PCBP3: variants seen among roughly 807,000 people sequenced by gnomAD.
PCBP3 encodes the protein poly(rC)-binding protein 3.
In PCBP3, 25 loss-of-function variants were observed where a neutral mutation model predicts 52.7. The ratio of observed to expected loss-of-function variants is 0.47; its 90% CI spans 0.35 to 0.66. PCBP3 has a LOEUF of 0.66. Among genes scored for constraint, PCBP3 ranks in the 30% least tolerant of loss-of-function variants. The probability of loss-of-function intolerance (pLI) is 0.01; values close to 1 mark genes in which losing one functional copy is unlikely to be tolerated. For missense variants in PCBP3, 391 were observed against 490.3 expected (o/e 0.80, Z 1.91); for synonymous variants, 162 against 183.0 (o/e 0.89, Z 0.93).
At chr21:45,927,108 T>A (rs530151358) in intron 13 of PCBP3, among the ~76,000 whole-genome samples, 2 of 152,234 alleles carry the variant, frequency 1.3e-5, no homozygotes, top group Admixed American at 1.3e-4. Flanking sequence ...TGAGTGATAG[T>A]TGTATGGGTG....
At chr21:45,804,675 A>T (rs2092431854) in intron 4 of PCBP3, among the ~76,000 whole-genome samples, 1 of 152,106 alleles carries the variant, frequency 6.6e-6, no homozygotes, top group African/African-American at 2.4e-5. Context: ...CGCACCAGGC[A>T]TTCGGCTCCT....
At chr21:45,645,759 G>A (rs2079208380) in intron 1 of PCBP3, among the ~76,000 whole-genome samples, 1 of 152,120 alleles carries the variant, frequency 6.6e-6, no homozygotes, top group Non-Finnish European at 1.5e-5. Context: ...TGTGTCAATG[G>A]CAGAATCATT....
chr21:45,877,074 C>T (rs1311073813), intron 5 of PCBP3, among the ~76,000 whole-genome samples: 1 of 152,268 alleles, frequency 6.6e-6, no homozygotes, highest in African/African-American at 2.4e-5. Flanking sequence ...ATCCATCCCC[C>T]AGCAAACAAG....
chr21:45,709,668 G>GTT (rs1381399221), intron 2 of PCBP3, among the ~76,000 whole-genome samples: 1 of 152,090 alleles, frequency 6.6e-6, no homozygotes, highest in Admixed American at 6.6e-5. Context: ...CCCACATCCA[G>GTT]TTTAACATCT....
At chr21:45,770,910 G>A (rs1055726584) in intron 4 of PCBP3, among the ~76,000 whole-genome samples, 2 of 152,246 alleles carry the variant, frequency 1.3e-5, no homozygotes, top group South Asian at 2.1e-4. Context: ...TCTAGAACCC[G>A]CTGCCCATGC....
intron 4 of PCBP3, among the ~76,000 whole-genome samples, chr21:45,769,026 A>G (rs1343780086): frequency 2.0e-5 from 3 of 152,136 alleles, no homozygotes; most frequent in Non-Finnish European, 4.4e-5. Flanking sequence ...CTGTTTGGGG[A>G]TTGTTACCAG....
chr21:45,781,955 T>A (rs71324445), intron 4 of PCBP3, among the ~76,000 whole-genome samples: 6,987 of 152,352 alleles, frequency 0.046, 217 homozygotes, highest in Non-Finnish European at 0.068. Context: ...CGATTTTTGG[T>A]CTGGCTATTC....
At chr21:45,924,141 G>A (rs572535221) in intron 13 of PCBP3, among the ~76,000 whole-genome samples, 2 of 106,136 alleles carry the variant, frequency 1.9e-5, no homozygotes, top group East Asian at 4.7e-4. Flanking sequence ...ACGTAAGGTC[G>A]GGTGTGCACG....
rs2093608696 is a variant in PCBP3, at chr21:45,837,171, G to A, written c.-125-12790G>A. Among the ~76,000 whole-genome samples, 1 of 152,230 alleles carries A rather than the reference G, an allele frequency of 6.6e-6. No homozygotes were observed. Among genetic ancestry groups the A allele is most frequent in the Non-Finnish European group, 1.5e-5 (1 of 68,040 alleles). On this transcript the variant is annotated intron_variant, in intron 4 of 17. Coordinates refer to ENST00000681687, the MANE Select transcript of PCBP3 (RefSeq NM_001384156.1). This position sits in a 1 kb window ranked among gnomAD's most constrained non-coding sequence, Gnocchi z 4.1. Reference sequence around the variant, plus strand: ...CCCCCAGCAGCGTGTTAGCGCCACGGATGATCTACAGTCCACCAACATTCT... The same window carrying A: ...CCCCCAGCAGCGTGTTAGCGCCACGAATGATCTACAGTCCACCAACATTCT...
chr21:45,862,390 A>T (rs746665307), intron 5 of PCBP3, among the ~76,000 whole-genome samples: 1 of 152,158 alleles, frequency 6.6e-6, no homozygotes, highest in Non-Finnish European at 1.5e-5. Flanking sequence ...AAAATATTTC[A>T]TGTATAATAG....
At chr21:45,896,183 C>T (rs1325576878) in intron 5 of PCBP3, 25 bp from the exon 6 acceptor site, 2 of 1,549,406 alleles carry the variant, frequency 1.3e-6, no homozygotes, top group African/African-American at 2.7e-5. Context: ...TCTTCTCTAG[C>T]AGCAGCTGTG....
rs2096455552 is a variant in PCBP3 at position 45,913,964 on chromosome 21, G to A, written c.614G>A (p.Gly205Asp). ...CVVMLESPPK[G>D]ATIPYRPKPA... ...CCCTTTTCCTAGTCCCCACCGAAAG[G>A]TGCCACCATTCCCTACCGCCCAAAG... The change falls in exon 12 of 18, where the codon GGT (glycine) becomes GAT (aspartate). Residue 205 changes from glycine to aspartate, a missense_variant. Coordinates refer to ENST00000681687, the MANE Select transcript of PCBP3 (RefSeq NM_001384156.1). 2.5e-6 allele frequency: 4 copies of A among 1,612,572 alleles called. No individual in the cohort carries two copies. The highest frequency in any genetic ancestry group is 2.2e-5 in the South Asian group (2 of 90,944).
chr21:45,649,947 T>A (rs1011067939), intron 1 of PCBP3, among the ~76,000 whole-genome samples: 2 of 152,116 alleles, frequency 1.3e-5, no homozygotes, highest in Non-Finnish European at 2.9e-5. Flanking sequence ...AAGCTTTTTT[T>A]AAAAATCGTG....
chr21:45,858,118 T>C (rs1024583479), intron 5 of PCBP3, among the ~76,000 whole-genome samples: 2 of 152,164 alleles, frequency 1.3e-5, no homozygotes, highest in Non-Finnish European at 2.9e-5. Context: ...TCAACCAAAA[T>C]GGGATTGTGG....
intron 2 of PCBP3, among the ~76,000 whole-genome samples, chr21:45,734,515 C>T (rs952363993): frequency 1.3e-5 from 2 of 152,152 alleles, no homozygotes; most frequent in African/African-American, 4.8e-5. Context: ...GCAGGCCCAG[C>T]CCACCGACTT....
intron 1 of PCBP3, among the ~76,000 whole-genome samples, chr21:45,646,107 C>CTCTCTCTCTCTCTGTGTGTG (rs1555895746): frequency 3.6e-4 from 30 of 83,812 alleles, no homozygotes; most frequent in Non-Finnish European, 4.8e-4. Flanking sequence ...CTCTCTCTCT[C>CTCTCTCTCTCTCTGTGTGTG]TGTGTGTGTG....
rs1391974855 is a variant in PCBP3 at position 45,904,733 on chromosome 21, G to GTGAAC, written c.339+3621_339+3625dup. ...ACAGCGAAAGTATTTCCAGTCCCAAGTGAACACTGGTTAAAATCTACCTGA... is the reference window on the plus strand; with the variant it reads ...ACAGCGAAAGTATTTCCAGTCCCAAGTGAACTGAACACTGGTTAAAATCTACCTGA... On this transcript the variant is annotated intron_variant, in intron 9 of 17. Transcript: ENST00000681687. The surrounding 1 kb of genome is among the most constrained non-coding windows in gnomAD (Gnocchi z 4.8). Among the ~76,000 whole-genome samples, 1 of 152,192 alleles carries GTGAAC rather than the reference G, an allele frequency of 6.6e-6. No individual in the cohort carries two copies. The highest frequency in any genetic ancestry group is 1.5e-5 in the Non-Finnish European group (1 of 68,042).
intron 13 of PCBP3, among the ~76,000 whole-genome samples, chr21:45,923,779 G>T (rs1024290702): frequency 6.6e-6 from 1 of 152,200 alleles, no homozygotes; most frequent in African/African-American, 2.4e-5. Context: ...ACCTGGAACA[G>T]TTGAGTGGAT....
intron 15 of PCBP3, among the ~76,000 whole-genome samples, chr21:45,932,266 C>T (rs112745722): frequency 2.0e-5 from 3 of 150,290 alleles, no homozygotes; most frequent in East Asian, 4.0e-4. Flanking sequence ...TGGATGGACA[C>T]CTGGTCCATG....
Sources: gnomAD v4.1 joint callset for allele counts (sites outside exome capture counted in the v4.1 genomes callset) on GRCh38, gnomAD v4.1.1 for gene constraint, Gnocchi (gnomAD v3.1) non-coding constraint, MANE v1.5 for transcripts, NCBI Gene and HGNC (gene_info 2026-07-23, HGNC 2026-07-21) for gene names.